LGSN: variants seen among roughly 807,000 people sequenced by gnomAD.
The protein encoded by LGSN is lengsin.
Under a neutral mutation model 19.5 loss-of-function variants are expected in LGSN, and 21 were observed. That is an observed-to-expected ratio of 1.07 (90% CI 0.76 to 1.55). LGSN has a LOEUF of 1.55. LGSN is among the 40% of genes most tolerant of loss of function. LGSN has a pLI of 0.00. For missense variants in LGSN, 673 were observed against 608.5 expected (o/e 1.11, Z -1.12); for synonymous variants, 257 against 215.6 (o/e 1.19, Z -1.68).
chr6:63,283,618 CT>C (rs34439463), intron 3 of LGSN, among the ~76,000 whole-genome samples: 50,069 of 139,336 alleles, frequency 0.36, 10,180 homozygotes, highest in Non-Finnish European at 0.45. Flanking sequence ...ACAAATGAAT[CT>C]TTTTTTTTTT....
chr6:63,509,451 C>T, the LGSN span, among the ~76,000 whole-genome samples: 1 of 152,092 alleles, frequency 6.6e-6, no homozygotes, highest in African/African-American at 2.4e-5. Context: ...ATACAAAGCT[C>T]TCTATGCAGT....
the LGSN span, among the ~76,000 whole-genome samples, chr6:63,331,626 G>C: frequency 6.6e-6 from 1 of 152,128 alleles, no homozygotes; most frequent in Non-Finnish European, 1.5e-5. Context: ...GCTCACCAAC[G>C]CAGCAGCAGA....
the LGSN span, among the ~76,000 whole-genome samples, chr6:63,491,211 G>A: frequency 6.6e-6 from 1 of 152,182 alleles, no homozygotes; most frequent in African/African-American, 2.4e-5. Context: ...AAGCTGAGAG[G>A]TCACCAAGAC....
At chr6:63,562,366 A>AT in the LGSN span, among the ~76,000 whole-genome samples, 1 of 151,876 alleles carries the variant, frequency 6.6e-6, no homozygotes, top group Non-Finnish European at 1.5e-5. Flanking sequence ...CACCCAGCTA[A>AT]TTTTGTATTT....
chr6:63,337,970 C>T, the LGSN span, among the ~76,000 whole-genome samples: 1 of 152,072 alleles, frequency 6.6e-6, no homozygotes, highest in South Asian at 2.1e-4. Flanking sequence ...ACTGCAACCT[C>T]CACCTCCCAG....
At chr6:63,464,052 A>G in the LGSN span, among the ~76,000 whole-genome samples, 2 of 152,116 alleles carry the variant, frequency 1.3e-5, no homozygotes, top group East Asian at 3.9e-4. Flanking sequence ...AAAAATTGAC[A>G]ATGAACCGAT....
the LGSN span, among the ~76,000 whole-genome samples, chr6:63,494,381 A>G: frequency 6.6e-6 from 1 of 152,156 alleles, no homozygotes; most frequent in Non-Finnish European, 1.5e-5. Flanking sequence ...GACATATTAT[A>G]TGTAACATGT....
the LGSN span, among the ~76,000 whole-genome samples, chr6:63,437,969 C>A: frequency 6.6e-6 from 1 of 152,056 alleles, no homozygotes; most frequent in Non-Finnish European, 1.5e-5. Flanking sequence ...CTTATCTCTC[C>A]CAAATTTAGT....
At chr6:63,307,323 T>G (rs1387945757) in intron 1 of LGSN, among the ~76,000 whole-genome samples, 1 of 152,178 alleles carries the variant, frequency 6.6e-6, no homozygotes, top group African/African-American at 2.4e-5. Context: ...AAGCTCAGAT[T>G]TGAACCCAGC....
intron 2 of LGSN, chr6:63,293,621 G>A (rs1459648912): frequency 2.5e-6 from 1 of 406,924 alleles, no homozygotes; most frequent in African/African-American, 2.0e-5. Context: ...TTAGTGGCTA[G>A]AACCACATAC....
the LGSN span, among the ~76,000 whole-genome samples, chr6:63,491,277 C>T: frequency 1.3e-5 from 2 of 152,186 alleles, no homozygotes; most frequent in Non-Finnish European, 2.9e-5. Flanking sequence ...CCCTGCCCTA[C>T]AGCAATGCTT....
At chr6:63,533,079 T>C in the LGSN span, among the ~76,000 whole-genome samples, 3 of 152,050 alleles carry the variant, frequency 2.0e-5, no homozygotes, top group Admixed American at 1.3e-4. Context: ...AGAGACTTGA[T>C]AGATTAAAAG....
At chr6:63,377,758 C>G in the LGSN span, among the ~76,000 whole-genome samples, 1 of 151,050 alleles carries the variant, frequency 6.6e-6, no homozygotes, top group African/African-American at 2.4e-5. Context: ...ACCAAAAATA[C>G]AAAAAATTAT....
chr6:63,476,678 G>T, the LGSN span, among the ~76,000 whole-genome samples: 1 of 152,168 alleles, frequency 6.6e-6, no homozygotes, highest in African/African-American at 2.4e-5. Flanking sequence ...CAAGAGGGGA[G>T]AGTCTAAAGA....
At chr6:63,558,037 A>T in the LGSN span, among the ~76,000 whole-genome samples, 1 of 151,826 alleles carries the variant, frequency 6.6e-6, no homozygotes, top group African/African-American at 2.4e-5. Context: ...ATGCCTGGGT[A>T]ATTTTTGTAT....
chr6:63,367,762 TA>T, the LGSN span, among the ~76,000 whole-genome samples: 17 of 150,376 alleles, frequency 1.1e-4, no homozygotes, highest in African/African-American at 4.0e-4. Context: ...TATGCAGCCA[TA>T]AAAAAGGATG....
At chr6:63,515,890 T>C in the LGSN span, among the ~76,000 whole-genome samples, 1 of 152,220 alleles carries the variant, frequency 6.6e-6, no homozygotes, top group Non-Finnish European at 1.5e-5. Context: ...ATTAAAGAAT[T>C]ACAAGTTAAC....
chr6:63,379,185 C>CT, the LGSN span, among the ~76,000 whole-genome samples: 10 of 151,794 alleles, frequency 6.6e-5, no homozygotes, highest in Admixed American at 3.3e-4. Flanking sequence ...ATGCCCCCCC[C>CT]TTTTTTTTAA....
the LGSN span, among the ~76,000 whole-genome samples, chr6:63,522,630 G>A: frequency 6.6e-6 from 1 of 152,258 alleles, no homozygotes; most frequent in Admixed American, 6.5e-5. Flanking sequence ...TAGTGTAGCA[G>A]CCAGAAAACA....
Sources: allele counts gnomAD v4.1 joint callset (sites outside exome capture counted in the v4.1 genomes callset), GRCh38; gene constraint gnomAD v4.1.1; transcripts MANE v1.5; gene names NCBI Gene and HGNC (gene_info 2026-07-23, HGNC 2026-07-21).